Variants in CMPK1 observed in about 807,000 individuals in gnomAD.
CMPK1 encodes cytidine/uridine monophosphate kinase 1.
In CMPK1, 10 loss-of-function variants were observed where a neutral mutation model predicts 25.7. The ratio of observed to expected loss-of-function variants is 0.39; its 90% CI spans 0.24 to 0.66. The LOEUF (loss-of-function observed/expected upper bound fraction) is 0.66, where lower values mean the gene tolerates loss of function less well. Ranked by LOEUF, CMPK1 falls within the 30% of genes least tolerant of loss-of-function variation. CMPK1 has a pLI of 0.48. For synonymous variants in CMPK1, 106 were observed against 101.5 expected (o/e 1.04, Z -0.27); for missense variants, 199 against 280.5 (o/e 0.71, Z 2.08).
At chr1:47,340,184 C>T (rs1172573602) in intron 1 of CMPK1, among the ~76,000 whole-genome samples, 10 of 151,770 alleles carry the variant, frequency 6.6e-5, no homozygotes, top group Non-Finnish European at 1.5e-4. Flanking sequence ...ACCTCCCAGG[C>T]TCAACTGATC....
At chr1:47,365,715 TGTA>T (rs1039083113) in intron 1 of CMPK1, among the ~76,000 whole-genome samples, 5 of 152,080 alleles carry the variant, frequency 3.3e-5, no homozygotes, top group African/African-American at 1.2e-4. Flanking sequence ...TTTGCCTAGT[TGTA>T]GTAAAATAGA....
intron 2 of CMPK1, 137 bp from the exon 3 acceptor site, chr1:47,372,818 T>A (rs923563429): frequency 2.0e-6 from 1 of 490,354 alleles, no homozygotes; most frequent in African/African-American, 2.0e-5. Flanking sequence ...CTTTTCTTTT[T>A]TTTTTTTGCT....
At chr1:47,367,838 G>A (rs1187718448) in intron 1 of CMPK1, among the ~76,000 whole-genome samples, 1 of 152,134 alleles carries the variant, frequency 6.6e-6, no homozygotes, top group Non-Finnish European at 1.5e-5. Context: ...TGCAATCACG[G>A]TTCACTGCAA....
At chr1:47,340,918 T>C (rs1646437233) in intron 1 of CMPK1, among the ~76,000 whole-genome samples, 1 of 152,234 alleles carries the variant, frequency 6.6e-6, no homozygotes, top group Non-Finnish European at 1.5e-5. Context: ...ATTACAGGTA[T>C]GATCTACCAT....
intron 1 of CMPK1, among the ~76,000 whole-genome samples, chr1:47,366,583 A>G (rs974276235): frequency 8.5e-5 from 13 of 152,336 alleles, no homozygotes; most frequent in Non-Finnish European, 1.5e-4. Flanking sequence ...ACTGGTAAAT[A>G]GAGAATTTAC....
At chr1:47,335,425 T>C (rs1382611997) in intron 1 of CMPK1, among the ~76,000 whole-genome samples, 1 of 151,994 alleles carries the variant, frequency 6.6e-6, no homozygotes, top group Non-Finnish European at 1.5e-5. Context: ...GATCACGAGG[T>C]CAGGAGTTCG....
chr1:47,375,839 A>G (rs1362941332), intron 5 of CMPK1, among the ~76,000 whole-genome samples: 2 of 152,194 alleles, frequency 1.3e-5, no homozygotes, highest in Non-Finnish European at 2.9e-5. Flanking sequence ...CAAAATTTCT[A>G]GTGTCTCTTA....
At chr1:47,376,666 C>T (rs1049422675) in intron 5 of CMPK1, 38 bp from the exon 6 acceptor site, 2 of 1,393,470 alleles carry the variant, frequency 1.4e-6, no homozygotes, top group Admixed American at 1.7e-5. Flanking sequence ...TTTAACAGTA[C>T]CTGCTTTTAA....
chr1:47,349,424 A>G (rs528615997), intron 1 of CMPK1, among the ~76,000 whole-genome samples: 1 of 152,336 alleles, frequency 6.6e-6, no homozygotes, highest in South Asian at 2.1e-4. Flanking sequence ...AGATGGTCTT[A>G]CCAGCTCCAA....
chr1:47,369,793 C>T (rs12048407), intron 2 of CMPK1, among the ~76,000 whole-genome samples: 26,856 of 151,564 alleles, frequency 0.18, 3,021 homozygotes, highest in East Asian at 0.54. Flanking sequence ...ATCTCTTGAC[C>T]TCATGATCTG....
chr1:47,374,806 G>A, intron 3 of CMPK1, 103 bp from the exon 4 acceptor site: 1 of 731,644 alleles, frequency 1.4e-6, no homozygotes, highest in Non-Finnish European at 2.2e-6. Flanking sequence ...TGGGTTTATT[G>A]CAGGGTTTTT....
intron 1 of CMPK1, among the ~76,000 whole-genome samples, chr1:47,344,958 T>G (rs1646471859): frequency 6.6e-6 from 1 of 151,914 alleles, no homozygotes; most frequent in Admixed American, 6.6e-5. Context: ...GCTCTGTTGC[T>G]CAGGCTGGAG....
intron 5 of CMPK1, among the ~76,000 whole-genome samples, chr1:47,375,599 T>C (rs1474125641): frequency 3.9e-5 from 6 of 152,184 alleles, no homozygotes; most frequent in Non-Finnish European, 8.8e-5. Context: ...TTGTTCTTCA[T>C]GAGAAATGGG....
rs745854327 is a variant in CMPK1 at position 47,377,926 on chromosome 1, T to G, written c.*1181T>G. ...TCTTCCTTTAAAAATCTCTGAGGAA[T>G]TTGTTTTCGCCTTACTTTTTTTTCT... On this transcript the variant is annotated 3_prime_UTR_variant, in exon 6 of 6. Transcript: ENST00000371873. 1 of 152,630 alleles carries G rather than the reference T, an allele frequency of 6.6e-6. No homozygotes were observed. Among genetic ancestry groups the G allele is most frequent in the Non-Finnish European group, 1.5e-5 (1 of 68,034 alleles). 9.5% of individuals were successfully genotyped at this position (152,630 alleles called of 1,614,324 possible). A position where few individuals can be genotyped will look rare whatever the true frequency, so the allele number is the denominator to read the frequency against.
intron 1 of CMPK1, among the ~76,000 whole-genome samples, chr1:47,351,078 T>TTTTGTTTG (rs371788247): frequency 6.6e-6 from 1 of 151,806 alleles, no homozygotes; most frequent in Non-Finnish European, 1.5e-5. Flanking sequence ...TTAACATAAT[T>TTTTGTTTG]TTTGTTTGTT....
In CMPK1 at chr1:47,376,901, T is replaced by A; in HGVS notation, c.*156T>A. On this transcript the variant is annotated 3_prime_UTR_variant, in exon 6 of 6. Transcript: ENST00000371873. ...AAACAAAGTAAATTTTTTTATGTTC[T>A]TTTTTTTGGTCACAGGAGTAGACAG... 2.3e-6 allele frequency: 1 copy of A among 434,434 alleles called. No individual in the cohort carries two copies. Among genetic ancestry groups the A allele is most frequent in the South Asian group, 4.0e-5 (1 of 24,750 alleles). 26.9% of individuals were successfully genotyped at this position (434,434 alleles called of 1,614,324 possible).
Position 47,346,210 on chromosome 1 carries a change from C to T in CMPK1, c.171+12094C>T, listed in dbSNP as rs56265189. Among the ~76,000 whole-genome samples, 458 of 151,798 alleles carry T rather than the reference C, an allele frequency of 3.0e-3. 1 individual carries two copies. The highest frequency in any genetic ancestry group is 0.011 in the African/African-American group (436 of 41,372). On this transcript the variant is annotated intron_variant, in intron 1 of 5. Transcript: ENST00000371873. Reference sequence around the variant, plus strand: ...GACTACAGGTGCCCGCCACCACGCCCGGCTAATTTTTGTTTTGTTAGTAGA... The same window carrying T: ...GACTACAGGTGCCCGCCACCACGCCTGGCTAATTTTTGTTTTGTTAGTAGA...
chr1:47,374,123 G>T (rs1338275910), intron 3 of CMPK1, among the ~76,000 whole-genome samples: 3 of 152,068 alleles, frequency 2.0e-5, no homozygotes, highest in Admixed American at 1.3e-4. Flanking sequence ...GAGTACAGTG[G>T]CACGATCTTA....
chr1:47,345,204 CA>C (rs1422478017), intron 1 of CMPK1, among the ~76,000 whole-genome samples: 1 of 152,118 alleles, frequency 6.6e-6, no homozygotes, highest in Non-Finnish European at 1.5e-5. Context: ...AGGCGTGAGC[CA>C]CCACGCCTGG....
Sources: allele counts gnomAD v4.1 joint callset (sites outside exome capture counted in the v4.1 genomes callset), GRCh38; gene constraint gnomAD v4.1.1; transcripts MANE v1.5; gene names NCBI Gene and HGNC (gene_info 2026-07-23, HGNC 2026-07-21).